TRPS1: variants seen among roughly 807,000 people sequenced by gnomAD.
TRPS1 encodes the protein zinc finger transcription factor Trps1.
TRPS1 carries 6 observed loss-of-function variants against 101.2 expected under a neutral mutation model. That is an observed-to-expected ratio of 0.06 (90% CI 0.03 to 0.12). The LOEUF is 0.12. Ranked by LOEUF, TRPS1 falls within the 10% of genes least tolerant of loss-of-function variation. The probability of loss-of-function intolerance (pLI) is 1.00; values close to 1 mark genes in which losing one functional copy is unlikely to be tolerated. For missense variants in TRPS1, 1,363 were observed against 1,567.0 expected, an observed-to-expected ratio of 0.87 and a Z score of 2.20; for synonymous variants, 578 against 589.8, an observed-to-expected ratio of 0.98 and a Z score of 0.29.
intron 5 of TRPS1, among the ~76,000 whole-genome samples, chr8:115,490,269 A>G (rs1013144250): frequency 1.3e-5 from 2 of 152,106 alleles, no homozygotes; most frequent in Admixed American, 1.3e-4. Context: ...CCGTGAAATA[A>G]CTCTTTGCAT....
chr8:115,667,859 G>C, intron 1 of TRPS1: 1 of 1,535,456 alleles, frequency 6.5e-7, no homozygotes, highest in Non-Finnish European at 8.7e-7. Context: ...ACCCTCCCGA[G>C]TTCGCCCAAC....
At chr8:115,436,238 G>T (rs975949035) in intron 5 of TRPS1, among the ~76,000 whole-genome samples, 1 of 152,080 alleles carries the variant, frequency 6.6e-6, no homozygotes, top group Non-Finnish European at 1.5e-5. Context: ...GCATATTTTG[G>T]CCGGGATTCA....
intron 3 of TRPS1, among the ~76,000 whole-genome samples, chr8:115,617,941 A>G (rs1818308194): frequency 6.6e-6 from 1 of 152,182 alleles, no homozygotes; most frequent in Non-Finnish European, 1.5e-5. Context: ...AAGTGATAAG[A>G]TTGCCATTCT....
chr8:115,565,013 TC>T (rs1817034133), intron 5 of TRPS1, among the ~76,000 whole-genome samples: 1 of 152,204 alleles, frequency 6.6e-6, no homozygotes, highest in East Asian at 1.9e-4. Flanking sequence ...CATGTAGGTT[TC>T]CAGGAGAGAG....
intron 5 of TRPS1, among the ~76,000 whole-genome samples, chr8:115,424,849 A>G (rs1016100123): frequency 6.6e-6 from 1 of 152,226 alleles, no homozygotes; most frequent in Non-Finnish European, 1.5e-5. Flanking sequence ...TCAGATATGT[A>G]GTTGATATTC....
chr8:115,499,652 G>A (rs1004618117), intron 5 of TRPS1, among the ~76,000 whole-genome samples: 24 of 152,164 alleles, frequency 1.6e-4, no homozygotes, highest in Non-Finnish European at 7.3e-5. Flanking sequence ...CCTGAAACTC[G>A]CAGATGTCTC....
intron 5 of TRPS1, among the ~76,000 whole-genome samples, chr8:115,457,231 A>G (rs931617339): frequency 1.3e-5 from 2 of 152,260 alleles, no homozygotes; most frequent in African/African-American, 2.4e-5. Flanking sequence ...CCAAAGATGA[A>G]TAAGCAAAAT....
chr8:115,493,877 G>A (rs535179126), intron 5 of TRPS1, among the ~76,000 whole-genome samples: 1 of 152,196 alleles, frequency 6.6e-6, no homozygotes, highest in African/African-American at 2.4e-5. Flanking sequence ...TTCATAGAGG[G>A]CTATAGCATG....
intron 1 of TRPS1, among the ~76,000 whole-genome samples, chr8:115,631,929 G>A (rs905866658): frequency 1.7e-4 from 26 of 152,168 alleles, no homozygotes; most frequent in African/African-American, 5.8e-4. Context: ...TACAAGTCGT[G>A]AGACATAAGA....
chr8:115,664,417 A>T (rs1811876398), intron 1 of TRPS1, among the ~76,000 whole-genome samples: 1 of 152,126 alleles, frequency 6.6e-6, no homozygotes, highest in South Asian at 2.1e-4. Context: ...AAATTCCATA[A>T]ATCATAACTA....
At chr8:115,518,113 C>A (rs1563569365) in intron 5 of TRPS1, among the ~76,000 whole-genome samples, 1 of 151,520 alleles carries the variant, frequency 6.6e-6, no homozygotes, top group African/African-American at 2.4e-5. Flanking sequence ...TAAAGAGCAA[C>A]AGGCTCAATG....
chr8:115,548,281 G>A (rs1816624678), intron 5 of TRPS1, among the ~76,000 whole-genome samples: 1 of 152,006 alleles, frequency 6.6e-6, no homozygotes, highest in African/African-American at 2.4e-5. Context: ...AGTTTTAATT[G>A]TGGGCATTTT....
chr8:115,470,808 T>A (rs1814449572), intron 5 of TRPS1, among the ~76,000 whole-genome samples: 1 of 152,196 alleles, frequency 6.6e-6, no homozygotes, highest in Non-Finnish European at 1.5e-5. Flanking sequence ...AAACATTAGT[T>A]TTTACTACTC....
intron 1 of TRPS1, among the ~76,000 whole-genome samples, chr8:115,662,730 T>C (rs973612261): frequency 6.7e-6 from 1 of 149,762 alleles, no homozygotes; most frequent in African/African-American, 2.5e-5. Context: ...TACTGTTTGA[T>C]AAATAGGGTT....
At chr8:115,635,664 G>T (rs1284494087) in intron 1 of TRPS1, among the ~76,000 whole-genome samples, 1 of 152,132 alleles carries the variant, frequency 6.6e-6, no homozygotes, top group Non-Finnish European at 1.5e-5. Flanking sequence ...CACAAACAAG[G>T]ATAGCAAAAA....
intron 5 of TRPS1, among the ~76,000 whole-genome samples, chr8:115,469,951 T>C (rs1252638444): frequency 6.6e-6 from 1 of 152,230 alleles, no homozygotes; most frequent in Non-Finnish European, 1.5e-5. Context: ...AGGCTATTAC[T>C]GAAATCAGCA....
chr8:115,463,036 C>G (rs1814226697), intron 5 of TRPS1, among the ~76,000 whole-genome samples: 1 of 152,168 alleles, frequency 6.6e-6, no homozygotes, highest in Non-Finnish European at 1.5e-5. Context: ...ACAGCTGCTC[C>G]TTCTGTATGT....
At chr8:115,568,173 C>A (rs1298933829) in intron 5 of TRPS1, among the ~76,000 whole-genome samples, 1 of 151,988 alleles carries the variant, frequency 6.6e-6, no homozygotes, top group African/African-American at 2.4e-5. Flanking sequence ...TGTACTCCCC[C>A]AGCAAAAACC....
intron 1 of TRPS1, among the ~76,000 whole-genome samples, chr8:115,666,283 T>TA (rs895520203): frequency 3.8e-4 from 55 of 143,948 alleles, no homozygotes; most frequent in African/African-American, 6.3e-4. Flanking sequence ...CACTTAAAGG[T>TA]AAAAAAAAAA....
Sources: allele counts gnomAD v4.1 joint callset (sites outside exome capture counted in the v4.1 genomes callset), GRCh38; gene constraint gnomAD v4.1.1; transcripts MANE v1.5; gene names NCBI Gene and HGNC (gene_info 2026-07-23, HGNC 2026-07-21).